PCDH9: variants seen among roughly 807,000 people sequenced by gnomAD.
PCDH9 encodes the protein protocadherin 9, also known as protocadherin-9.
A neutral mutation model predicts 70.6 loss-of-function variants in PCDH9; 24 were observed. That is an observed-to-expected ratio of 0.34 (90% CI 0.25 to 0.48). The LOEUF (loss-of-function observed/expected upper bound fraction) is 0.48, where lower values mean the gene tolerates loss of function less well. Among genes scored for constraint, PCDH9 ranks in the 20% least tolerant of loss-of-function variants. The probability of loss-of-function intolerance (pLI) is 0.99; values close to 1 mark genes in which losing one functional copy is unlikely to be tolerated. For missense variants in PCDH9, 1,281 were observed against 1,503.6 expected, an observed-to-expected ratio of 0.85 and a Z score of 2.45; for synonymous variants, 562 against 558.5, an observed-to-expected ratio of 1.01 and a Z score of -0.09.
chr13:66,704,353 G>A (rs189183538), intron 3 of PCDH9, among the ~76,000 whole-genome samples: 130 of 152,274 alleles, frequency 8.5e-4, no homozygotes, highest in African/African-American at 3.0e-3. Context: ...TTAGTTGCCT[G>A]AGGCTAAGCT....
At chr13:66,380,431 A>G (rs1593885238) in intron 4 of PCDH9, among the ~76,000 whole-genome samples, 1 of 152,078 alleles carries the variant, frequency 6.6e-6, no homozygotes, top group Non-Finnish European at 1.5e-5. Context: ...TTGTGAAGTG[A>G]TAAGACAAAA....
intron 3 of PCDH9, among the ~76,000 whole-genome samples, chr13:66,715,110 C>T (rs1268417181): frequency 6.6e-6 from 1 of 152,078 alleles, no homozygotes; most frequent in Non-Finnish European, 1.5e-5. Context: ...TAGATTGTAC[C>T]TGTCATATCT....
At chr13:66,597,394 T>A (rs566594809) in intron 4 of PCDH9, among the ~76,000 whole-genome samples, 1 of 151,732 alleles carries the variant, frequency 6.6e-6, no homozygotes, top group Non-Finnish European at 1.5e-5. Flanking sequence ...TATGGACCAA[T>A]GGAACAGAAT....
chr13:66,437,648 T>C (rs531371269), intron 4 of PCDH9, among the ~76,000 whole-genome samples: 39 of 152,160 alleles, frequency 2.6e-4, no homozygotes, highest in Admixed American at 8.5e-4. Context: ...TAGTGACTGT[T>C]GGTGAGGATG....
chr13:66,979,917 C>T (rs898073500), intron 2 of PCDH9, among the ~76,000 whole-genome samples: 2 of 152,006 alleles, frequency 1.3e-5, no homozygotes, highest in African/African-American at 4.8e-5. Flanking sequence ...TATCCCTCCA[C>T]CTTTTTCTTT....
intron 4 of PCDH9, among the ~76,000 whole-genome samples, chr13:66,425,021 C>A (rs1178544962): frequency 6.6e-6 from 1 of 151,696 alleles, no homozygotes; most frequent in African/African-American, 2.4e-5. Context: ...ATGGTCAAAC[C>A]ACAACAAAGA....
chr13:66,929,711 T>C (rs1386801174), intron 2 of PCDH9, among the ~76,000 whole-genome samples: 3 of 152,224 alleles, frequency 2.0e-5, no homozygotes, highest in African/African-American at 4.8e-5. Flanking sequence ...GGTAGTGGTG[T>C]ATTTTTTGGA....
chr13:66,785,771 T>C (rs1231504857), intron 3 of PCDH9, among the ~76,000 whole-genome samples: 4 of 151,894 alleles, frequency 2.6e-5, no homozygotes, highest in Non-Finnish European at 4.4e-5. Context: ...CGTCACTGAG[T>C]AGGGCATGTA....
At chr13:67,151,820 T>C (rs532924029) in intron 2 of PCDH9, among the ~76,000 whole-genome samples, 1 of 152,096 alleles carries the variant, frequency 6.6e-6, no homozygotes, top group Non-Finnish European at 1.5e-5. Flanking sequence ...TCAGCCCTTG[T>C]ATAGCTGCAG....
At chr13:67,215,402 A>T (rs904407256) in intron 2 of PCDH9, 1 of 152,032 alleles carries the variant, frequency 6.6e-6, no homozygotes, top group African/African-American at 2.4e-5. Context: ...GTGATACGGT[A>T]TTTTTCTTAC....
chr13:66,947,136 A>G (rs563383797), intron 2 of PCDH9, among the ~76,000 whole-genome samples: 5 of 152,252 alleles, frequency 3.3e-5, no homozygotes, highest in African/African-American at 9.6e-5. Flanking sequence ...TGACAGCAGG[A>G]CAGGTTGCAA....
At chr13:66,457,881 T>G (rs1248709867) in intron 4 of PCDH9, among the ~76,000 whole-genome samples, 1 of 152,014 alleles carries the variant, frequency 6.6e-6, no homozygotes, top group Admixed American at 6.6e-5. Flanking sequence ...AGATACATGT[T>G]AATCATAAAA....
intron 4 of PCDH9, among the ~76,000 whole-genome samples, chr13:66,550,711 C>A (rs9317595): frequency 0.53 from 81,007 of 151,968 alleles, 22,074 homozygotes; most frequent in East Asian, 0.67. Flanking sequence ...AAGCCACATG[C>A]CGTTCGGGTT....
At chr13:66,721,279 G>A (rs947133164) in intron 3 of PCDH9, among the ~76,000 whole-genome samples, 4 of 152,162 alleles carry the variant, frequency 2.6e-5, no homozygotes, top group Non-Finnish European at 4.4e-5. Flanking sequence ...AGTCTCACAA[G>A]GTGGACTGTG....
intron 3 of PCDH9, among the ~76,000 whole-genome samples, chr13:66,662,163 A>T (rs986403212): frequency 1.4e-4 from 21 of 152,184 alleles, no homozygotes; most frequent in African/African-American, 5.1e-4. Flanking sequence ...AGTATATCAA[A>T]GATGAGAACC....
At position 66,688,228 on chromosome 13, in the gene PCDH9, C is replaced by T. The variant is rs193090495; in HGVS notation, c.3139-56817G>A. Among the ~76,000 whole-genome samples the T allele has an allele frequency of 3.7e-3, 557 of 152,268 alleles. 1 individual carries two copies. The highest frequency in any genetic ancestry group is 0.013 in the African/African-American group (544 of 41,576). Reference sequence around the variant, plus strand: ...GATTTCATCTAATCATCTTCTGTCACTAATGCCTTAAGCAACTGCCTTCAT... The same window carrying T: ...GATTTCATCTAATCATCTTCTGTCATTAATGCCTTAAGCAACTGCCTTCAT... On this transcript the variant is annotated intron_variant, in intron 3 of 4. Coordinates refer to ENST00000377865, the MANE Select transcript of PCDH9 (RefSeq NM_203487.3).
chr13:66,911,487 CTGTGCACATTA>C (rs1170806989), intron 2 of PCDH9, among the ~76,000 whole-genome samples: 4 of 152,196 alleles, frequency 2.6e-5, no homozygotes, highest in African/African-American at 9.6e-5. Flanking sequence ...GTAGCTGCTT[CTGTGCACATTA>C]TGTCACTTTT....
At chr13:66,996,066 A>G (rs534238021) in intron 2 of PCDH9, among the ~76,000 whole-genome samples, 9 of 152,350 alleles carry the variant, frequency 5.9e-5, no homozygotes, top group Admixed American at 4.6e-4. Flanking sequence ...AGAGCTTTGT[A>G]TTTAATGGGA....
chr13:66,432,433 C>T (rs1479398102), intron 4 of PCDH9, among the ~76,000 whole-genome samples: 2 of 151,952 alleles, frequency 1.3e-5, no homozygotes, highest in African/African-American at 4.8e-5. Flanking sequence ...ATAACTATGA[C>T]AACATGCCTG....
Sources: gnomAD v4.1 joint callset for allele counts (sites outside exome capture counted in the v4.1 genomes callset) on GRCh38, gnomAD v4.1.1 for gene constraint, MANE v1.5 for transcripts, NCBI Gene and HGNC (gene_info 2026-07-23, HGNC 2026-07-21) for gene names.